Variants in PRKN observed in about 807,000 individuals in gnomAD.
PRKN encodes the protein E3 ubiquitin-protein ligase parkin.
A neutral mutation model predicts 59.5 loss-of-function variants in PRKN; 56 were observed. The ratio of observed to expected loss-of-function variants is 0.94; its 90% CI spans 0.76 to 1.18. The LOEUF is 1.18. PRKN is among the 50% of genes most tolerant of loss of function. The pLI is 0.00. For missense variants in PRKN, 657 were observed against 596.4 expected (o/e 1.10, Z -1.06); for synonymous variants, 250 against 222.1 (o/e 1.13, Z -1.12).
intron 7 of PRKN, among the ~76,000 whole-genome samples, chr6:161,687,223 C>T (rs966904301): frequency 5.3e-5 from 8 of 151,018 alleles, no homozygotes; most frequent in Non-Finnish European, 1.2e-4. Context: ...TCTGTCTCTA[C>T]TAAAAATACA....
chr6:162,654,824 AAGG>A (rs1778580170), intron 1 of PRKN, among the ~76,000 whole-genome samples: 1 of 142,114 alleles, frequency 7.0e-6, no homozygotes, highest in Non-Finnish European at 1.5e-5. Context: ...GCGGCACAGC[AAGG>A]AGAAGTGCAG....
At chr6:162,185,615 C>A (rs764781188) in intron 4 of PRKN, among the ~76,000 whole-genome samples, 6 of 152,124 alleles carry the variant, frequency 3.9e-5, no homozygotes, top group Admixed American at 1.3e-4. Flanking sequence ...TAAATGACAG[C>A]AGCTCTGTGG....
At chr6:162,351,265 G>T (rs1784613792) in intron 2 of PRKN, among the ~76,000 whole-genome samples, 1 of 152,062 alleles carries the variant, frequency 6.6e-6, no homozygotes, top group African/African-American at 2.4e-5. Context: ...AAAAAAATGG[G>T]CAAAAGATTT....
Position 162,263,367 on chromosome 6 carries a change from G to A in PRKN, c.172-602C>T, listed in dbSNP as rs939439942. The stretch of plus-strand genomic sequence containing the variant: ...TGAGAGGGCATTTCTTTAAAGCATC[G>A]GAAATGAATGCGTTTGAGTAGGCTC... On this transcript the variant is annotated intron_variant, in intron 2 of 11. Transcript: ENST00000366898. The A allele has an allele frequency of 1.3e-4, 23 of 178,082 alleles. No homozygotes were observed. In the South Asian group the frequency reaches 1.6e-3, roughly 12 times the overall value. The allele number at this position is 178,082 out of a possible 1,614,324, so 11.0% of individuals were successfully genotyped here.
rs967099078 is a variant in PRKN at position 161,385,014 on chromosome 6, C to T, written c.1167+1780G>A. On this transcript the variant is annotated intron_variant, in intron 10 of 11. Transcript: ENST00000366898. The surrounding 1 kb of genome is among the most constrained non-coding windows in gnomAD (Gnocchi z 4.9). ...GTGCGATCTCAGCTCACTGCAACCTCCACCTCCCGGGTTCAAGCGATTCTC... is the reference window on the plus strand; with the variant it reads ...GTGCGATCTCAGCTCACTGCAACCTTCACCTCCCGGGTTCAAGCGATTCTC... Among the ~76,000 whole-genome samples, 4 of 152,114 alleles carry T rather than the reference C, an allele frequency of 2.6e-5. No homozygotes were observed. Among genetic ancestry groups the T allele is most frequent in the African/African-American group, 4.8e-5 (2 of 41,428 alleles).
intron 2 of PRKN, among the ~76,000 whole-genome samples, chr6:162,312,390 G>C (rs1782554496): frequency 6.6e-6 from 1 of 152,032 alleles, no homozygotes; most frequent in Non-Finnish European, 1.5e-5. Context: ...AGAGCATTTA[G>C]AATCCCATTC....
intron 1 of PRKN, among the ~76,000 whole-genome samples, chr6:162,644,591 A>G (rs1778092780): frequency 6.6e-6 from 1 of 152,168 alleles, no homozygotes; most frequent in Admixed American, 6.5e-5. Flanking sequence ...ACTCCCCACA[A>G]AAAAGAACAA....
intron 2 of PRKN, among the ~76,000 whole-genome samples, chr6:162,306,301 C>T (rs1266332689): frequency 6.6e-6 from 1 of 152,104 alleles, no homozygotes; most frequent in African/African-American, 2.4e-5. Context: ...TAAGGGGCTG[C>T]AGGGCTGGAG....
At chr6:162,583,660 A>T (rs1376770408) in intron 1 of PRKN, among the ~76,000 whole-genome samples, 1 of 152,212 alleles carries the variant, frequency 6.6e-6, no homozygotes, top group Non-Finnish European at 1.5e-5. Context: ...CCCAGAGGGC[A>T]GCCATTCTAA....
At chr6:161,652,079 G>A (rs1204504452) in intron 7 of PRKN, among the ~76,000 whole-genome samples, 1 of 151,934 alleles carries the variant, frequency 6.6e-6, no homozygotes, top group Non-Finnish European at 1.5e-5. Flanking sequence ...TTGTTCTTTC[G>A]GCATAATCAA....
intron 6 of PRKN, among the ~76,000 whole-genome samples, chr6:161,954,151 T>C (rs1314657368): frequency 6.6e-6 from 1 of 152,214 alleles, no homozygotes; most frequent in Non-Finnish European, 1.5e-5. Flanking sequence ...GCGACTTGGT[T>C]GATAGGAATC....
chr6:162,101,443 C>T (rs756265118), intron 4 of PRKN, among the ~76,000 whole-genome samples: 11 of 151,592 alleles, frequency 7.3e-5, no homozygotes, highest in South Asian at 2.1e-4. Flanking sequence ...CCGAGTCGGG[C>T]GGAACACGAG....
At chr6:161,665,830 C>T (rs1429326555) in intron 7 of PRKN, among the ~76,000 whole-genome samples, 7 of 152,214 alleles carry the variant, frequency 4.6e-5, no homozygotes, top group Non-Finnish European at 1.0e-4. Context: ...ACAGCCTCCC[C>T]TTTACCCTCT....
chr6:162,496,236 C>T (rs984900652), intron 1 of PRKN, among the ~76,000 whole-genome samples: 1 of 150,538 alleles, frequency 6.6e-6, no homozygotes, highest in African/African-American at 2.4e-5. Context: ...GACTCAGTCT[C>T]GGGGGAAAAA....
intron 7 of PRKN, among the ~76,000 whole-genome samples, chr6:161,608,423 A>G (rs1485469015): frequency 6.6e-6 from 1 of 152,142 alleles, no homozygotes; most frequent in Non-Finnish European, 1.5e-5. Flanking sequence ...GTGTGTTTGC[A>G]GGCACATGTT....
Position 161,526,746 on chromosome 6 carries a change from C to T in PRKN, c.1083+22108G>A, listed in dbSNP as rs544859294. On this transcript the variant is annotated intron_variant, in intron 9 of 11. Transcript: ENST00000366898. The surrounding 1 kb of genome is among the most constrained non-coding windows in gnomAD (Gnocchi z 4.1). ...AGACTTTCTTTATCCTCTGAAGGTT[C>T]GATAATGTAGTCTATGAAATAAACT... 2.0e-4 allele frequency among the ~76,000 whole-genome samples: 30 copies of T among 152,020 alleles called. No individual in the cohort carries two copies. In the South Asian group the frequency reaches 5.2e-3, roughly 26 times the overall value.
chr6:161,688,772 G>T (rs568336017), intron 7 of PRKN, among the ~76,000 whole-genome samples: 10 of 152,290 alleles, frequency 6.6e-5, no homozygotes, highest in African/African-American at 1.7e-4. Context: ...GGGCTGAGGT[G>T]GGCTGTGGGT....
At chr6:162,421,707 C>T (rs550019244) in intron 2 of PRKN, among the ~76,000 whole-genome samples, 2 of 152,102 alleles carry the variant, frequency 1.3e-5, no homozygotes, top group South Asian at 4.2e-4. Context: ...AGGAAAACAG[C>T]AACAGTCTAC....
At position 161,466,683 on chromosome 6, in the gene PRKN, A is replaced by G. The variant is rs561243693; in HGVS notation, c.1084-79806T>C. 6.6e-6 allele frequency among the ~76,000 whole-genome samples: 1 copy of G among 152,186 alleles called. No homozygotes were observed. Among genetic ancestry groups the G allele is most frequent in the East Asian group, 1.9e-4 (1 of 5,180 alleles). ...CCTAACCTTAAATAAATATGCAGCC[A>G]TACTGCTAGGGCAAACATCCACACA... is the stretch of plus-strand genomic sequence containing the variant. On this transcript the variant is annotated intron_variant, in intron 9 of 11. Coordinates refer to ENST00000366898, the MANE Select transcript of PRKN (RefSeq NM_004562.3). This position sits in a 1 kb window ranked among gnomAD's most constrained non-coding sequence, Gnocchi z 5.0.
Sources: gnomAD v4.1 joint callset for allele counts (sites outside exome capture counted in the v4.1 genomes callset) on GRCh38, gnomAD v4.1.1 for gene constraint, Gnocchi (gnomAD v3.1) non-coding constraint, MANE v1.5 for transcripts, NCBI Gene and HGNC (gene_info 2026-07-23, HGNC 2026-07-21) for gene names.